OXNAD1: variants seen among roughly 807,000 people sequenced by gnomAD.
OXNAD1 encodes the protein oxidoreductase NAD-binding domain-containing protein 1.
A neutral mutation model predicts 32.9 loss-of-function variants in OXNAD1; 34 were observed. The ratio of observed to expected loss-of-function variants is 1.03; its 90% CI spans 0.79 to 1.38. The LOEUF (loss-of-function observed/expected upper bound fraction) is 1.38. OXNAD1 is among the 40% of genes most tolerant of loss of function. The probability of loss-of-function intolerance (pLI) is 0.00; values close to 1 mark genes in which losing one functional copy is unlikely to be tolerated. For synonymous variants in OXNAD1, 134 were observed against 135.2 expected, an observed-to-expected ratio of 0.99 and a Z score of 0.06; for missense variants, 407 against 379.4, an observed-to-expected ratio of 1.07 and a Z score of -0.60.
At position 16,269,103 on chromosome 3, in the gene OXNAD1, A is replaced by G. The variant is rs899637159; in HGVS notation, c.-158-23A>G. 1.1e-5 allele frequency: 16 copies of G among 1,450,500 alleles called. No homozygotes were observed. In the Admixed American group the frequency reaches 2.7e-4, roughly 25 times the overall value. 89.9% of individuals were successfully genotyped at this position (1,450,500 alleles called of 1,614,324 possible). ...TTGATCAGTTCCCCAAAACATTGTT[A>G]TATGTTGTTTGTGCCATTGCAGGAA... On this transcript the variant is annotated intron_variant, in intron 1 of 8. Transcript: ENST00000285083.
rs1237800808 is a variant in OXNAD1 at position 16,288,630 on chromosome 3, C to T, written c.290+2182C>T. ...GAGGGCTGGTTCCTGTAGCAATAAA[C>T]CAGTTCCAAGAACTGTAGCAATCCA... On this transcript the variant is annotated intron_variant, in intron 5 of 8. Transcript: ENST00000285083. The surrounding 1 kb of genome is among the most constrained non-coding windows in gnomAD (Gnocchi z 5.1). 6.6e-6 allele frequency among the ~76,000 whole-genome samples: 1 copy of T among 152,160 alleles called. No homozygotes were observed. Among genetic ancestry groups the T allele is most frequent in the Non-Finnish European group, 1.5e-5 (1 of 68,036 alleles).
chr3:16,317,039 T>C lies in OXNAD1; in HGVS notation c.*30+13447T>C. ...TCCCTTGTCCTCTTGGACAGGGCCC[T>C]TCATCTCCTCGGAGACTCCACCCTC... On this transcript the variant is annotated intron_variant, in intron 9 of 9. Transcript: ENST00000435829. The surrounding 1 kb of genome is among the most constrained non-coding windows in gnomAD (Gnocchi z 4.3). 1 of 1,613,866 alleles carries C rather than the reference T, an allele frequency of 6.2e-7. No homozygotes were observed.
downstream of OXNAD1, chr3:16,339,923 A>G (rs911962264): frequency 6.6e-6 from 1 of 152,258 alleles, no homozygotes; most frequent in African/African-American, 2.4e-5. Context: ...AGTCTTATCA[A>G]AATTGCTGTA....
downstream of OXNAD1, among the ~76,000 whole-genome samples, chr3:16,310,243 G>A (rs1187436482): frequency 1.3e-5 from 2 of 152,264 alleles, no homozygotes; most frequent in African/African-American, 4.8e-5. Flanking sequence ...CGCATTTTGT[G>A]GACCTAGAAA....
rs1443081585 is a variant in OXNAD1 at position 16,334,881 on chromosome 3, G to C, written c.*31-2231G>C. On this transcript the variant is annotated intron_variant, in intron 9 of 9. Transcript: ENST00000435829. The surrounding 1 kb of genome is among the most constrained non-coding windows in gnomAD (Gnocchi z 4.3). ...GTATAATCACAGGGGTCCTTATAAG[G>C]ACAGGCAGGAAGGCCAGAGTCAGAG... Among the ~76,000 whole-genome samples, 1 of 152,200 alleles carries C rather than the reference G, an allele frequency of 6.6e-6. No homozygotes were observed. The highest frequency in any genetic ancestry group is 1.9e-4 in the East Asian group (1 of 5,192).
At chr3:16,286,526 G>GA in intron 5 of OXNAD1, 78 bp downstream of exon 5, 1 of 1,188,994 alleles carries the variant, frequency 8.4e-7, no homozygotes, top group Non-Finnish European at 1.2e-6. Flanking sequence ...TTTTCTCCTG[G>GA]AAAAGGCTAG....
At chr3:16,295,695 C>T (rs1211891305) in intron 6 of OXNAD1, among the ~76,000 whole-genome samples, 1 of 152,126 alleles carries the variant, frequency 6.6e-6, no homozygotes, top group Admixed American at 6.5e-5. Context: ...TTTCCTTTCA[C>T]TTCCTCTTCA....
intron 9 of OXNAD1, chr3:16,326,676 G>T: frequency 2.2e-6 from 2 of 908,978 alleles, no homozygotes; most frequent in South Asian, 1.6e-5. Context: ...CTCTTGCACA[G>T]GATTAAATAA....
downstream of OXNAD1, among the ~76,000 whole-genome samples, chr3:16,309,758 G>A (rs1047680553): frequency 1.3e-5 from 2 of 152,168 alleles, no homozygotes; most frequent in East Asian, 1.9e-4. Context: ...TTTCCTGTGT[G>A]ACTCATTCCA....
chr3:16,345,855 T>C lies in OXNAD1; in HGVS notation c.*31-3321T>C, dbSNP rs62233954. Among the ~76,000 whole-genome samples the C allele has an allele frequency of 0.089, 5,501 of 61,608 alleles. 130 individuals are homozygous for C. Among genetic ancestry groups the C allele is most frequent in the East Asian group, 0.16 (336 of 2,118 alleles). The allele number at this position is 61,608 out of a possible 152,430, so 40.4% of individuals were successfully genotyped here. On this transcript the variant is annotated intron_variant, in intron 9 of 9. Transcript: ENST00000606098. This position sits in a 1 kb window ranked among gnomAD's most constrained non-coding sequence, Gnocchi z 5.2. ...GCGCGCACGCGCACATGTGCATGTG[T>C]ATGTGTATAATCTCCTACTGGTTCT...
rs956021692 is a variant in OXNAD1, at chr3:16,287,946, G to T, written c.290+1498G>T. ...GCCTGTCAGACTTCTTCGGAGGTCG[G>T]ACTTGGCGGGTAAGGATCACTGGCT... On this transcript the variant is annotated intron_variant, in intron 5 of 8. Transcript: ENST00000285083. The surrounding 1 kb of genome is among the most constrained non-coding windows in gnomAD (Gnocchi z 4.8). Among the ~76,000 whole-genome samples, 4 of 152,162 alleles carry T rather than the reference G, an allele frequency of 2.6e-5. No individual in the cohort carries two copies. Among genetic ancestry groups the T allele is most frequent in the African/African-American group, 9.7e-5 (4 of 41,434 alleles).
chr3:16,307,743 GTTTT>G (rs1206358986), downstream of OXNAD1, among the ~76,000 whole-genome samples: 2 of 21,448 alleles, frequency 9.3e-5, no homozygotes, highest in African/African-American at 1.2e-3. Context: ...TAAACTTTTT[GTTTT>G]GAAGTAATTT....
downstream of OXNAD1, among the ~76,000 whole-genome samples, chr3:16,310,056 AT>A (rs1390096480): frequency 9.9e-5 from 15 of 152,224 alleles, no homozygotes; most frequent in African/African-American, 3.4e-4. Flanking sequence ...CTTTTGGACT[AT>A]ACTGCTGATT....
At chr3:16,310,954 C>A (rs1289409389), downstream of OXNAD1, among the ~76,000 whole-genome samples, 8 of 143,852 alleles carry the variant, frequency 5.6e-5, no homozygotes, top group Non-Finnish European at 1.0e-4. Context: ...TGTGCCATTG[C>A]ACTCCAGCCT....
intron 5 of OXNAD1, among the ~76,000 whole-genome samples, chr3:16,291,474 CT>C (rs2066424284): frequency 6.6e-6 from 1 of 152,196 alleles, no homozygotes; most frequent in South Asian, 2.1e-4. Flanking sequence ...ATGGATTTGT[CT>C]CTTATAGACA....
chr3:16,284,794 C>T lies in OXNAD1; in HGVS notation c.184-1548C>T, dbSNP rs116164088. 1.3e-3 allele frequency among the ~76,000 whole-genome samples: 194 copies of T among 152,338 alleles called. 2 individuals carry two copies. Among genetic ancestry groups the T allele is most frequent in the African/African-American group, 3.9e-3 (163 of 41,578 alleles). On this transcript the variant is annotated intron_variant, in intron 4 of 8. Coordinates refer to ENST00000285083, the MANE Select transcript of OXNAD1 (RefSeq NM_138381.5). The surrounding 1 kb of genome is among the most constrained non-coding windows in gnomAD (Gnocchi z 4.1). Reference sequence around the variant, plus strand: ...TGCCCAGAGTCACACAGCTGGTAAGCGGTAGAGCCAGGACTAAATACCAGG... The same window carrying T: ...TGCCCAGAGTCACACAGCTGGTAAGTGGTAGAGCCAGGACTAAATACCAGG...
chr3:16,310,685 C>T (rs1422134263), downstream of OXNAD1, among the ~76,000 whole-genome samples: 2 of 152,106 alleles, frequency 1.3e-5, no homozygotes, highest in Non-Finnish European at 2.9e-5. Context: ...GAATTGCCAA[C>T]ATTACCATTA....
downstream of OXNAD1, among the ~76,000 whole-genome samples, chr3:16,337,742 A>G (rs1422190981): frequency 2.4e-5 from 2 of 82,872 alleles, no homozygotes; most frequent in Admixed American, 2.3e-4. The surrounding 1 kb of genome is among the most constrained non-coding windows in gnomAD (Gnocchi z 5.0). Flanking sequence ...CTCCATCTCA[A>G]AAAAAAAAAA....
At chr3:16,269,896 A>C (rs2064806441) in intron 2 of OXNAD1, among the ~76,000 whole-genome samples, 1 of 152,252 alleles carries the variant, frequency 6.6e-6, no homozygotes, top group South Asian at 2.1e-4. Flanking sequence ...GTAACATGTT[A>C]AATGTGGCCA....
Sources: gnomAD v4.1 joint callset for allele counts (sites outside exome capture counted in the v4.1 genomes callset) on GRCh38, gnomAD v4.1.1 for gene constraint, Gnocchi (gnomAD v3.1) non-coding constraint, MANE v1.5 for transcripts, NCBI Gene and HGNC (gene_info 2026-07-23, HGNC 2026-07-21) for gene names.